Variants in LIPN observed in about 807,000 individuals in gnomAD.
LIPN encodes lipase member N.
Under a neutral mutation model 43.7 loss-of-function variants are expected in LIPN, and 32 were observed. The observed-to-expected ratio is 0.73, with a 90% CI of 0.55 to 0.98. The LOEUF (loss-of-function observed/expected upper bound fraction) is 0.98, where lower values mean the gene tolerates loss of function less well. Among genes scored for constraint, LIPN ranks in the 50% least tolerant of loss-of-function variants. LIPN has a pLI of 0.00. For synonymous variants in LIPN, 156 were observed against 157.6 expected (o/e 0.99, Z 0.08); for missense variants, 505 against 483.8 (o/e 1.04, Z -0.41).
At position 88,778,545 on chromosome 10, in the gene LIPN, G is replaced by A. The variant is rs1843336211; in HGVS notation, c.*303G>A. Reference sequence around the variant, plus strand: ...AGGGCATACCATGAAGTATAGAAATGTCTGAAGCTTCAAAGGAACAGTGAA... The same window carrying A: ...AGGGCATACCATGAAGTATAGAAATATCTGAAGCTTCAAAGGAACAGTGAA... On this transcript the variant is annotated 3_prime_UTR_variant, in exon 10 of 10. Transcript: ENST00000404459. Among the ~76,000 whole-genome samples the A allele has an allele frequency of 6.6e-6, 1 of 152,150 alleles. No individual in the cohort carries two copies. The highest frequency in any genetic ancestry group is 2.1e-4 in the South Asian group (1 of 4,822).
At position 88,771,053 on chromosome 10, in the gene LIPN, A is replaced by T. The variant is rs533283419; in HGVS notation, c.819+62A>T. ...AGAAATTCCAGCTTTCCTTTGACTC[A>T]TTTTGATATATCTATTTACTGTATA... On this transcript the variant is annotated intron_variant, in intron 7 of 9. Coordinates refer to ENST00000404459, the MANE Select transcript of LIPN (RefSeq NM_001102469.2). The T allele has an allele frequency of 1.1e-4, 147 of 1,293,582 alleles. 1 individual carries two copies. The South Asian group carries it at 1.9e-3, about 17-fold the overall frequency. The allele number at this position is 1,293,582 out of a possible 1,614,324, so 80.1% of individuals were successfully genotyped here.
rs372832034 is a variant in LIPN at position 88,770,990 on chromosome 10, A to C, written c.818A>C (p.Gln273Pro). 1.9e-6 allele frequency: 3 copies of C among 1,567,426 alleles called. No individual in the cohort carries two copies. In the African/African-American group the frequency reaches 4.1e-5, roughly 21 times the overall value. Reference sequence around the variant, plus strand: ...GGATCCAACAAGAAAAATATGAATCAGGTATGTATGATAATTATAGGGCCA... The same window carrying C: ...GGATCCAACAAGAAAAATATGAATCCGGTATGTATGATAATTATAGGGCCA... ...WAGSNKKNMN[Q>P]SRMDVYMSHA... Residue 273 changes from glutamine to proline, a missense_variant and splice_region_variant, in exon 7 of 10, where the codon CAG becomes CCG. Transcript: ENST00000404459.
chr10:88,775,285 A>G (rs539039284), intron 9 of LIPN, 122 bp downstream of exon 9: 1 of 473,786 alleles, frequency 2.1e-6, no homozygotes, highest in African/African-American at 2.1e-5. Flanking sequence ...ACTTTTTTTT[A>G]AAAAAATTTT....
At chr10:88,766,690 C>G (rs966059586) in intron 5 of LIPN, among the ~76,000 whole-genome samples, 1 of 151,932 alleles carries the variant, frequency 6.6e-6, no homozygotes, top group Non-Finnish European at 1.5e-5. Context: ...TAGATTCCCT[C>G]TGAGCTGAAA....
upstream of LIPN, among the ~76,000 whole-genome samples, chr10:88,759,043 C>A (rs561381502): frequency 6.6e-6 from 1 of 152,170 alleles, no homozygotes; most frequent in African/African-American, 2.4e-5. Context: ...TCAATCAGGG[C>A]AAAACATGCT....
chr10:88,765,912 T>C (rs1013032441), intron 4 of LIPN, among the ~76,000 whole-genome samples: 2 of 151,878 alleles, frequency 1.3e-5, no homozygotes, highest in Non-Finnish European at 2.9e-5. Context: ...GGGTATTAAA[T>C]GGTCCTAACA....
At chr10:88,773,052 A>C (rs1203468031) in intron 7 of LIPN, among the ~76,000 whole-genome samples, 15 of 151,936 alleles carry the variant, frequency 9.9e-5, no homozygotes, top group Non-Finnish European at 4.4e-5. Flanking sequence ...GCAAGAATCA[A>C]TATTGTTAAA....
At chr10:88,758,857 T>C (rs1385152945), upstream of LIPN, among the ~76,000 whole-genome samples, 1 of 152,134 alleles carries the variant, frequency 6.6e-6, no homozygotes. Context: ...GAAATTGAAC[T>C]ATATTTGTGC....
chr10:88,776,738 AC>A (rs1163989304), intron 9 of LIPN, among the ~76,000 whole-genome samples: 2 of 152,120 alleles, frequency 1.3e-5, no homozygotes, highest in African/African-American at 4.8e-5. Flanking sequence ...CATGACAATT[AC>A]TGGGCTCCCA....
At position 88,768,877 on chromosome 10, in the gene LIPN, T is replaced by C. The variant is rs1843156696; in HGVS notation, c.621T>C (p.Tyr207=). The part of the protein sequence containing the change: ...FALGPTISFK[Y]PTGIFTRFFL... ...TGGGTCCTACGATCTCATTCAAATA[T>C]CCCACGGGCATTTTTACCAGGTTTT... is the stretch of plus-strand genomic sequence containing the variant. Residue 207 remains tyrosine, a synonymous_variant, in exon 6 of 10, where the codon TAT becomes TAC. Transcript: ENST00000404459. 6.2e-7 allele frequency: 1 copy of C among 1,611,542 alleles called. No individual in the cohort carries two copies. Among genetic ancestry groups the C allele is most frequent in the Non-Finnish European group, 8.5e-7 (1 of 1,178,382 alleles).
intron 7 of LIPN, among the ~76,000 whole-genome samples, chr10:88,772,640 A>G (rs1843229322): frequency 1.3e-5 from 2 of 151,792 alleles, no homozygotes; most frequent in Admixed American, 6.6e-5. Context: ...AGTATCATGC[A>G]GTTTTGATTA....
chr10:88,770,564 C>T (rs1843187387), intron 6 of LIPN, among the ~76,000 whole-genome samples: 1 of 151,840 alleles, frequency 6.6e-6, no homozygotes, highest in Admixed American at 6.6e-5. Flanking sequence ...TCTGGAGACA[C>T]ATTCCTAAGT....
At chr10:88,768,382 A>G (rs932710279) in intron 5 of LIPN, among the ~76,000 whole-genome samples, 3 of 151,930 alleles carry the variant, frequency 2.0e-5, no homozygotes, top group African/African-American at 7.2e-5. Context: ...GCAGAAAGAA[A>G]TCAATTCACC....
Position 88,778,063 on chromosome 10 carries a change from G to C in LIPN, c.1018G>C (p.Ala340Pro). The C allele has an allele frequency of 6.2e-7, 1 of 1,613,534 alleles. No individual in the cohort carries two copies. The highest frequency in any genetic ancestry group is 8.5e-7 in the Non-Finnish European group (1 of 1,179,668). Reference sequence around the variant, plus strand: ...CATGAAAGTGCCTACTGCTATTTGGGCTGGTGGACATGATGTCCTCGTAAC... The same window carrying C: ...CATGAAAGTGCCTACTGCTATTTGGCCTGGTGGACATGATGTCCTCGTAAC... ...TAMKVPTAIWAGGHDVLVTPQ... is the reference protein window; with the variant it reads ...TAMKVPTAIWPGGHDVLVTPQ... The change falls in exon 10 of 10, where the codon GCT becomes CCT. Residue 340 changes from alanine to proline, a missense_variant. Coordinates refer to ENST00000404459, the MANE Select transcript of LIPN (RefSeq NM_001102469.2).
In LIPN at chr10:88,766,392, G is replaced by A; in HGVS notation, c.535+14G>A. 6.8e-7 allele frequency: 1 copy of A among 1,460,682 alleles called. No homozygotes were observed. Among genetic ancestry groups the A allele is most frequent in the Non-Finnish European group, 9.6e-7 (1 of 1,041,698 alleles). The allele number at this position is 1,460,682 out of a possible 1,614,324, so 90.5% of individuals were successfully genotyped here. ...GCACTACAATAGGTATGTTTATGAGGGTCACTGTTAGGTGTGTTTTTGAGG... is the reference window on the plus strand; with the variant it reads ...GCACTACAATAGGTATGTTTATGAGAGTCACTGTTAGGTGTGTTTTTGAGG... On this transcript the variant is annotated intron_variant, in intron 5 of 9. Transcript: ENST00000404459.
intron 3 of LIPN, 106 bp from the exon 4 acceptor site, chr10:88,764,304 T>C (rs1394928237): frequency 1.8e-5 from 14 of 795,850 alleles, no homozygotes; most frequent in Non-Finnish European, 2.9e-5. Context: ...TATGTGTGTG[T>C]GTCTGTGATG....
At position 88,767,644 on chromosome 10, in the gene LIPN, CAAAAAAAAAAAAAAAAAAAAAAAAAAAA is replaced by C. The variant is rs61646268; in HGVS notation, c.536-1127_536-1100del. Among the ~76,000 whole-genome samples the C allele has an allele frequency of 6.3e-4, 39 of 61,516 alleles. 1 individual carries two copies. Among genetic ancestry groups the C allele is most frequent in the South Asian group, 3.4e-3 (5 of 1,458 alleles). 40.4% of individuals were successfully genotyped at this position (61,516 alleles called of 152,430 possible). A position where few individuals can be genotyped will look rare whatever the true frequency, so the allele number is the denominator to read the frequency against. On this transcript the variant is annotated intron_variant, in intron 5 of 9. Transcript: ENST00000404459. ...TAGATATGCTCTTATACTTGATCTG[CAAAAAAAAAAAAAAAAAAAAAAAAAAAA>C]AAAAAAAAAAAAAAAAAAAACCATG...
rs1320075019 is a variant in LIPN, at chr10:88,764,550, A to G, written c.367A>G (p.Thr123Ala). 1.2e-6 allele frequency: 2 copies of G among 1,611,996 alleles called. No individual in the cohort carries two copies. The highest frequency in any genetic ancestry group is 1.1e-5 in the South Asian group (1 of 90,972). ...DVWMGNSRGN[T>A]WSRRHKTLSE... Reference sequence around the variant, plus strand: ...ATGGATGGGAAACAGTCGGGGAAACACTTGGTCAAGAAGACACAAAACACT... The same window carrying G: ...ATGGATGGGAAACAGTCGGGGAAACGCTTGGTCAAGAAGACACAAAACACT... The change falls in exon 4 of 10, where the codon ACT becomes GCT. Residue 123 changes from threonine to alanine, a missense_variant. Transcript: ENST00000404459.
chr10:88,777,594 A>G (rs1469825891), intron 9 of LIPN, among the ~76,000 whole-genome samples: 1 of 151,522 alleles, frequency 6.6e-6, no homozygotes, highest in Non-Finnish European at 1.5e-5. Flanking sequence ...ATATTCCTTT[A>G]CATATTCTGT....
Sources: allele counts gnomAD v4.1 joint callset (sites outside exome capture counted in the v4.1 genomes callset), GRCh38; gene constraint gnomAD v4.1.1; transcripts MANE v1.5; gene names NCBI Gene and HGNC (gene_info 2026-07-23, HGNC 2026-07-21).